The following KCNH5 variants were observed in gnomAD, a reference collection of about 807,000 sequenced individuals.
KCNH5 encodes the protein voltage-gated delayed rectifier potassium channel KCNH5.
Under a neutral mutation model 96.1 loss-of-function variants are expected in KCNH5, and 46 were observed. The observed-to-expected ratio is 0.48, with a 90% CI of 0.38 to 0.61. KCNH5 has a LOEUF of 0.61. Ranked by LOEUF, KCNH5 falls within the 20% of genes least tolerant of loss-of-function variation. KCNH5 has a pLI of 0.00. For synonymous variants in KCNH5, 439 were observed against 449.8 expected (o/e 0.98, Z 0.30); for missense variants, 907 against 1,225.8 (o/e 0.74, Z 3.88).
chr14:62,853,388 G>A (rs757225671), intron 7 of KCNH5, among the ~76,000 whole-genome samples: 14 of 143,578 alleles, frequency 9.8e-5, no homozygotes, highest in South Asian at 2.3e-4. Flanking sequence ...GTCTAGTAGC[G>A]ACTAGGTATC....
At chr14:63,003,613 T>TACATA (rs1231334899) in intron 3 of KCNH5, among the ~76,000 whole-genome samples, 110 of 123,872 alleles carry the variant, frequency 8.9e-4, no homozygotes, top group Non-Finnish European at 1.4e-3. Context: ...TATATTTATA[T>TACATA]ATATATATAT....
intron 9 of KCNH5, among the ~76,000 whole-genome samples, chr14:62,780,486 C>T (rs1422633463): frequency 1.3e-5 from 2 of 152,150 alleles, no homozygotes; most frequent in African/African-American, 4.8e-5. Context: ...CGGAGTCCAG[C>T]CCAAGAGCTC....
chr14:63,041,069 A>G (rs1891815295), intron 1 of KCNH5, among the ~76,000 whole-genome samples: 2 of 152,136 alleles, frequency 1.3e-5, no homozygotes, highest in Non-Finnish European at 2.9e-5. Flanking sequence ...ATTAATTTGT[A>G]GTTAAAATTT....
At chr14:62,807,303 A>C (rs1886787076) in intron 8 of KCNH5, among the ~76,000 whole-genome samples, 1 of 152,162 alleles carries the variant, frequency 6.6e-6, no homozygotes, top group African/African-American at 2.4e-5. Flanking sequence ...CAACTACTCT[A>C]GTAACCTTCT....
At position 62,862,244 on chromosome 14, in the gene KCNH5, A is replaced by G. The variant is rs75020596; in HGVS notation, c.1370-12392T>C. Among the ~76,000 whole-genome samples, 422 of 152,338 alleles carry G rather than the reference A, an allele frequency of 2.8e-3. 6 individuals carry two copies. Among genetic ancestry groups the G allele is most frequent in the East Asian group, 0.022 (114 of 5,180 alleles). ...AATACTGAAATTTTATTAAAATACC[A>G]GTAAGATTGATCCGAGATACAAAGA... On this transcript the variant is annotated intron_variant, in intron 7 of 10. Transcript: ENST00000322893.
chr14:63,003,472 TTATA>T (rs1189701234), intron 3 of KCNH5, among the ~76,000 whole-genome samples: 1 of 132,092 alleles, frequency 7.6e-6, no homozygotes, highest in Non-Finnish European at 1.5e-5. Context: ...TTTATATATA[TTATA>T]TATATTTTAT....
At chr14:62,963,517 G>A (rs1313256962) in intron 6 of KCNH5, among the ~76,000 whole-genome samples, 2 of 151,590 alleles carry the variant, frequency 1.3e-5, no homozygotes, top group Non-Finnish European at 2.9e-5. Flanking sequence ...AAAGACCTAA[G>A]AACCAGGCCA....
At chr14:62,942,064 A>C (rs568242137) in intron 7 of KCNH5, among the ~76,000 whole-genome samples, 89 of 152,328 alleles carry the variant, frequency 5.8e-4, no homozygotes, top group African/African-American at 2.0e-3. Flanking sequence ...CCTTTACAGA[A>C]CATTTTCTAT....
intron 7 of KCNH5, among the ~76,000 whole-genome samples, chr14:62,891,711 C>G (rs1472031634): frequency 1.3e-5 from 2 of 152,080 alleles, no homozygotes; most frequent in Non-Finnish European, 2.9e-5. Flanking sequence ...TGTCATTTTT[C>G]GAACAGTATG....
intron 10 of KCNH5, among the ~76,000 whole-genome samples, chr14:62,718,064 T>C (rs1197368618): frequency 1.3e-5 from 2 of 152,032 alleles, no homozygotes; most frequent in African/African-American, 2.4e-5. Flanking sequence ...GAGCTAAACA[T>C]TGGGTACACA....
chr14:62,864,958 C>A (rs1045378285), intron 7 of KCNH5, among the ~76,000 whole-genome samples: 1 of 152,146 alleles, frequency 6.6e-6, no homozygotes, highest in East Asian at 1.9e-4. Context: ...GAGGCTAATA[C>A]AGGCAGCAAC....
Position 62,945,745 on chromosome 14 carries a change from C to T in KCNH5, c.1369+4388G>A, listed in dbSNP as rs17100562. On this transcript the variant is annotated intron_variant, in intron 7 of 10. Transcript: ENST00000322893. ...GATACCGTGGAGAGCCACATGAATT[C>T]GGGTCATAGGTCAGGAGAGGAGTGT... Among the ~76,000 whole-genome samples the T allele has an allele frequency of 5.2e-3, 788 of 152,000 alleles. 5 individuals are homozygous for T. Among genetic ancestry groups the T allele is most frequent in the African/African-American group, 0.018 (754 of 41,454 alleles).
chr14:62,702,182 T>C lies in KCNH5; in HGVS notation c.*5326A>G, dbSNP rs1401134724. On this transcript the variant is annotated 3_prime_UTR_variant, in exon 11 of 11. Transcript: ENST00000322893. ...ATATCAAACATACCACATTTGACAG[T>C]TTACTTTGGCCGATGTCTTTCAACT... is the stretch of plus-strand genomic sequence containing the variant. 1 of 152,072 alleles carries C rather than the reference T, an allele frequency of 6.6e-6. No individual in the cohort carries two copies. Among genetic ancestry groups the C allele is most frequent in the Non-Finnish European group, 1.5e-5 (1 of 67,960 alleles). 9.4% of individuals were successfully genotyped at this position (152,072 alleles called of 1,614,324 possible). A position where few individuals can be genotyped will look rare whatever the true frequency, so the allele number is the denominator to read the frequency against.
At position 62,708,271 on chromosome 14, in the gene KCNH5, T is replaced by C. The variant is rs1566634116; in HGVS notation, c.2204A>G (p.Gln735Arg). 6.2e-7 allele frequency: 1 copy of C among 1,614,180 alleles called. No individual in the cohort carries two copies. The change falls in exon 11 of 11, where the codon CAG becomes CGG. Residue 735 changes from glutamine to arginine, a missense_variant. Around this residue, in one of 6 missense-constraint regions of KCNH5, gnomAD observed 362 missense variants for 394.4 expected, o/e 0.92. Coordinates refer to ENST00000322893, the MANE Select transcript of KCNH5 (RefSeq NM_139318.5). ...ATTCTGTAAGGAGCGGCTCTCTACCTGGAGTTGGTTCCTCTCAGGGTCACC... is the reference window on the plus strand; with the variant it reads ...ATTCTGTAAGGAGCGGCTCTCTACCCGGAGTTGGTTCCTCTCAGGGTCACC... ...TQGDPERNQL[Q>R]VESRSLQNGA... is the part of the protein sequence containing the mutation.
Position 62,909,935 on chromosome 14 carries a change from G to T in KCNH5, c.1369+40198C>A, listed in dbSNP as rs549364038. Among the ~76,000 whole-genome samples the T allele has an allele frequency of 3.9e-5, 6 of 152,030 alleles. No individual in the cohort carries two copies. The East Asian group carries it at 9.7e-4, about 24-fold the overall frequency. On this transcript the variant is annotated intron_variant, in intron 7 of 10. Transcript: ENST00000322893. ...AATATTTCATTTATTATATGTATTG[G>T]TTTTTTTCTTTTTTTGCTTTCCATC...
intron 9 of KCNH5, among the ~76,000 whole-genome samples, chr14:62,796,938 C>T (rs1459966947): frequency 4.6e-5 from 7 of 152,238 alleles, no homozygotes; most frequent in East Asian, 1.9e-4. Flanking sequence ...TCTGATTAGC[C>T]TTTCCAAAGG....
rs774480306 is a variant in KCNH5, at chr14:62,849,649, A to T, written c.1569+4T>A. 1.9e-6 allele frequency: 3 copies of T among 1,611,298 alleles called. No individual in the cohort carries two copies. The highest frequency in any genetic ancestry group is 2.5e-6 in the Non-Finnish European group (3 of 1,177,824). On this transcript the variant is annotated splice_donor_region_variant and intron_variant, in intron 8 of 10. Coordinates refer to ENST00000322893, the MANE Select transcript of KCNH5 (RefSeq NM_139318.5). ...AACTAAATAATAACAATAATAACCC[A>T]TACCTTTTCTGTATCAATGCCTTTT...
In KCNH5 at chr14:63,019,662, T is replaced by A. The variant is rs112858782; in HGVS notation, c.74-2708A>T. On this transcript the variant is annotated intron_variant, in intron 1 of 10. Coordinates refer to ENST00000322893, the MANE Select transcript of KCNH5 (RefSeq NM_139318.5). Reference sequence around the variant, plus strand: ...CAAAAATTGAAACATGACCCCTACCTCATACACAAAAATAATTTGAAGTGG... The same window carrying A: ...CAAAAATTGAAACATGACCCCTACCACATACACAAAAATAATTTGAAGTGG... Among the ~76,000 whole-genome samples, 225 of 152,030 alleles carry A rather than the reference T, an allele frequency of 1.5e-3. 2 individuals carry two copies. The highest frequency in any genetic ancestry group is 5.3e-3 in the African/African-American group (219 of 41,506).
intron 10 of KCNH5, among the ~76,000 whole-genome samples, chr14:62,745,705 T>G (rs753529412): frequency 6.6e-6 from 1 of 152,182 alleles, no homozygotes; most frequent in Non-Finnish European, 1.5e-5. Flanking sequence ...GAAGCCATCC[T>G]GCCTGGAGGG....
Sources: gnomAD v4.1 joint callset for allele counts (sites outside exome capture counted in the v4.1 genomes callset) on GRCh38, gnomAD v4.1.1 for gene constraint, gnomAD v4.1.1 regional missense constraint, MANE v1.5 for transcripts, NCBI Gene and HGNC (gene_info 2026-07-23, HGNC 2026-07-21) for gene names.